GALNTL6: variants seen among roughly 807,000 people sequenced by gnomAD.
GALNTL6 encodes polypeptide N-acetylgalactosaminyltransferase like 6.
A neutral mutation model predicts 73.7 loss-of-function variants in GALNTL6; 46 were observed. That is an observed-to-expected ratio of 0.62 (90% CI 0.49 to 0.80). The LOEUF (loss-of-function observed/expected upper bound fraction) is 0.80, where lower values mean the gene tolerates loss of function less well. Ranked by LOEUF, GALNTL6 falls within the 30% of genes least tolerant of loss-of-function variation. The pLI is 0.00. For synonymous variants in GALNTL6, 259 were observed against 263.7 expected, an observed-to-expected ratio of 0.98 and a Z score of 0.17; for missense variants, 604 against 755.0, an observed-to-expected ratio of 0.80 and a Z score of 2.34.
At chr4:172,734,106 A>T (rs938814571) in intron 5 of GALNTL6, among the ~76,000 whole-genome samples, 1 of 152,206 alleles carries the variant, frequency 6.6e-6, no homozygotes, top group Non-Finnish European at 1.5e-5. Context: ...TTGCTATGCA[A>T]AGATACTGGT....
intron 5 of GALNTL6, among the ~76,000 whole-genome samples, chr4:172,701,265 A>G (rs747522768): frequency 5.3e-5 from 8 of 152,126 alleles, no homozygotes; most frequent in Non-Finnish European, 7.4e-5. Flanking sequence ...ATATTTACAT[A>G]TCTATGAAGC....
intron 2 of GALNTL6, among the ~76,000 whole-genome samples, chr4:171,966,222 C>T (rs573646654): frequency 2.0e-5 from 3 of 152,262 alleles, no homozygotes; most frequent in South Asian, 4.1e-4. Context: ...TCCAGCACAG[C>T]ATATACATTC....
chr4:172,886,264 T>G (rs1579610365), intron 8 of GALNTL6, among the ~76,000 whole-genome samples: 1 of 152,344 alleles, frequency 6.6e-6, no homozygotes, highest in African/African-American at 2.4e-5. Context: ...TGGTTCAATC[T>G]TCATAGGTTG....
intron 5 of GALNTL6, among the ~76,000 whole-genome samples, chr4:172,469,321 T>C (rs1330546441): frequency 6.6e-6 from 1 of 152,080 alleles, no homozygotes; most frequent in Non-Finnish European, 1.5e-5. Context: ...AAAGAAATGT[T>C]GGGGCTAGGT....
chr4:171,852,357 TGTGTGGGGTG>T (rs796696617), intron 2 of GALNTL6, among the ~76,000 whole-genome samples: 44 of 152,238 alleles, frequency 2.9e-4, no homozygotes, highest in African/African-American at 8.9e-4. Flanking sequence ...AGGAAGAAAA[TGTGTGGGGTG>T]GTGGTGGCCG....
intron 3 of GALNTL6, among the ~76,000 whole-genome samples, chr4:172,306,084 G>A (rs1740127279): frequency 6.6e-6 from 1 of 152,088 alleles, no homozygotes; most frequent in Non-Finnish European, 1.5e-5. Flanking sequence ...TAGGGCATAT[G>A]AATTTGAAAA....
At chr4:171,873,224 C>T (rs1319002075) in intron 2 of GALNTL6, among the ~76,000 whole-genome samples, 1 of 152,134 alleles carries the variant, frequency 6.6e-6, no homozygotes, top group Non-Finnish European at 1.5e-5. Context: ...GAAGAAACAA[C>T]ATATTGGACC....
At chr4:172,206,786 TGTTTTGTTTTG>T (rs1560969208) in intron 2 of GALNTL6, among the ~76,000 whole-genome samples, 2,380 of 70,346 alleles carry the variant, frequency 0.034, 586 homozygotes, top group South Asian at 0.082. Flanking sequence ...TTTTTTGTTT[TGTTTTGTTTTG>T]TTTTTCTGTT....
intron 5 of GALNTL6, among the ~76,000 whole-genome samples, chr4:172,751,646 C>T (rs1579435422): frequency 6.6e-6 from 1 of 152,328 alleles, no homozygotes. Flanking sequence ...GCTGGATCCT[C>T]ATTTTCAGAC....
chr4:172,748,835 T>C (rs1212232988), intron 5 of GALNTL6, among the ~76,000 whole-genome samples: 1 of 152,226 alleles, frequency 6.6e-6, no homozygotes. Context: ...GATCATTCCA[T>C]AATGTATACA....
chr4:172,999,869 C>A (rs1341361895), intron 10 of GALNTL6, among the ~76,000 whole-genome samples: 1 of 152,032 alleles, frequency 6.6e-6, no homozygotes, highest in Admixed American at 6.6e-5. Context: ...ATGACAATTA[C>A]ATAACTCTCC....
rs192620159 is a variant in GALNTL6, at chr4:172,358,233, A to C, written c.553+9544A>C. 8.1e-4 allele frequency among the ~76,000 whole-genome samples: 124 copies of C among 152,346 alleles called. 1 individual carries two copies. In the South Asian group the frequency reaches 0.016, roughly 20 times the overall value. ...CTTGAGGCCTTGCAAAGAACTGGAT[A>C]TGAAGCTGGATTACAGAAACCAGGT... On this transcript the variant is annotated intron_variant, in intron 5 of 12. Transcript: ENST00000506823.
intron 3 of GALNTL6, among the ~76,000 whole-genome samples, chr4:172,282,296 T>C (rs1179853829): frequency 1.3e-5 from 2 of 152,160 alleles, no homozygotes. Context: ...TCATCAGCCA[T>C]CAGGGCAAAG....
intron 7 of GALNTL6, among the ~76,000 whole-genome samples, chr4:172,825,619 CT>C (rs1274869088): frequency 7.2e-5 from 11 of 152,118 alleles, no homozygotes; most frequent in African/African-American, 2.2e-4. Flanking sequence ...CCAAGGCCTT[CT>C]AGAAGTGGTA....
intron 5 of GALNTL6, among the ~76,000 whole-genome samples, chr4:172,564,422 C>T (rs1736486654): frequency 6.6e-6 from 1 of 152,160 alleles, no homozygotes; most frequent in Admixed American, 6.5e-5. Context: ...AATGATTACA[C>T]TCAAAATAAA....
At chr4:172,094,068 A>G in intron 2 of GALNTL6, among the ~76,000 whole-genome samples, 1 of 152,206 alleles carries the variant, frequency 6.6e-6, no homozygotes, top group Non-Finnish European at 1.5e-5. Flanking sequence ...GCTGACATAG[A>G]TTAGTTAAAA....
In GALNTL6 at chr4:172,602,172, G is replaced by A. The variant is rs115230691; in HGVS notation, c.554-207189G>A. On this transcript the variant is annotated intron_variant, in intron 5 of 12. Coordinates refer to ENST00000506823, the MANE Select transcript of GALNTL6 (RefSeq NM_001034845.3). The stretch of plus-strand genomic sequence containing the variant: ...TATTTTCAGACAAAAGAAACAAAGA[G>A]TGTTCATCACTAGCATTTCACTGCA... Among the ~76,000 whole-genome samples, 1,098 of 152,094 alleles carry A rather than the reference G, an allele frequency of 7.2e-3. 19 individuals are homozygous for A. Among genetic ancestry groups the A allele is most frequent in the African/African-American group, 0.025 (1,043 of 41,510 alleles).
rs991975947 is a variant in GALNTL6 at position 171,815,036 on chromosome 4, G to T, written c.138+318G>T. 9 of 451,072 alleles carry T rather than the reference G, an allele frequency of 2.0e-5. No individual in the cohort carries two copies. The Admixed American group carries it at 3.5e-4, about 17-fold the overall frequency. The allele number at this position is 451,072 out of a possible 1,614,324, so 27.9% of individuals were successfully genotyped here. ...GGTAACTGTTCAGCTATGGAGGTGG[G>T]AGTGGGTTTGGTGCAAGTTTAATGA... On this transcript the variant is annotated intron_variant, in intron 2 of 12. Coordinates refer to ENST00000506823, the MANE Select transcript of GALNTL6 (RefSeq NM_001034845.3).
intron 5 of GALNTL6, among the ~76,000 whole-genome samples, chr4:172,738,780 A>G (rs1385825480): frequency 2.0e-5 from 3 of 152,164 alleles, no homozygotes; most frequent in Non-Finnish European, 4.4e-5. Context: ...CATCTATCAG[A>G]TACATTTAAG....
Sources: gnomAD v4.1 joint callset for allele counts (sites outside exome capture counted in the v4.1 genomes callset) on GRCh38, gnomAD v4.1.1 for gene constraint, MANE v1.5 for transcripts, NCBI Gene and HGNC (gene_info 2026-07-23, HGNC 2026-07-21) for gene names.